Variants in ADCY1 observed in about 807,000 individuals in gnomAD.
ADCY1 encodes adenylate cyclase type 1.
A neutral mutation model predicts 105.4 loss-of-function variants in ADCY1; 28 were observed. The ratio of observed to expected loss-of-function variants is 0.27; its 90% confidence interval spans 0.20 to 0.36. The LOEUF (loss-of-function observed/expected upper bound fraction) is 0.36, where lower values mean the gene tolerates loss of function less well. Ranked by LOEUF, ADCY1 falls within the 10% of genes least tolerant of loss-of-function variation. ADCY1 has a pLI of 1.00. For synonymous variants in ADCY1, 655 were observed against 623.8 expected (o/e 1.05, Z -0.75); for missense variants, 977 against 1,434.2 (o/e 0.68, Z 5.15).
chr7:45,663,311 T>C (rs1795181252), intron 8 of ADCY1, among the ~76,000 whole-genome samples: 2 of 152,326 alleles, frequency 1.3e-5, no homozygotes, highest in South Asian at 2.1e-4. Context: ...GTCTGTGACC[T>C]TGGTGCAGCT....
At chr7:45,641,875 G>A (rs1794533776) in intron 4 of ADCY1, among the ~76,000 whole-genome samples, 1 of 116,570 alleles carries the variant, frequency 8.6e-6, no homozygotes, top group Non-Finnish European at 1.7e-5. Flanking sequence ...GCAGTGAGCC[G>A]AGATTGCGCC....
At chr7:45,576,586 A>C (rs1274206413) in intron 1 of ADCY1, among the ~76,000 whole-genome samples, 1 of 152,122 alleles carries the variant, frequency 6.6e-6, no homozygotes, top group Non-Finnish European at 1.5e-5. Context: ...AAGGAGCCAG[A>C]GGACTTCATG....
At chr7:45,613,108 C>T (rs576705570) in intron 3 of ADCY1, among the ~76,000 whole-genome samples, 6 of 152,168 alleles carry the variant, frequency 3.9e-5, no homozygotes, top group South Asian at 2.1e-4. Flanking sequence ...GATAAATATA[C>T]GGAAACTGAC....
intron 8 of ADCY1, among the ~76,000 whole-genome samples, chr7:45,669,138 G>C (rs1285818977): frequency 2.0e-5 from 3 of 152,082 alleles, no homozygotes; most frequent in African/African-American, 7.2e-5. Context: ...TTTCAGTTCT[G>C]CTCTGATCTT....
chr7:45,645,309 T>C (rs1279478714), intron 4 of ADCY1, among the ~76,000 whole-genome samples: 2 of 152,126 alleles, frequency 1.3e-5, no homozygotes. Context: ...GTGCTATTTA[T>C]GCCTCCTTTT....
intron 3 of ADCY1, among the ~76,000 whole-genome samples, chr7:45,616,323 C>G (rs918875276): frequency 6.6e-6 from 1 of 152,126 alleles, no homozygotes; most frequent in African/African-American, 2.4e-5. Flanking sequence ...AACTATGAAG[C>G]CAGCATTGTC....
At chr7:45,696,621 G>A (rs1295507760) in intron 14 of ADCY1, among the ~76,000 whole-genome samples, 1 of 152,146 alleles carries the variant, frequency 6.6e-6, no homozygotes, top group Non-Finnish European at 1.5e-5. Context: ...CGTGCTCAGG[G>A]TCAGGCTCTC....
At chr7:45,633,389 T>G (rs982083120) in intron 4 of ADCY1, among the ~76,000 whole-genome samples, 12 of 152,198 alleles carry the variant, frequency 7.9e-5, no homozygotes, top group African/African-American at 2.9e-4. Context: ...TTGGAAAAAC[T>G]CACAGATGAA....
chr7:45,657,681 G>A (rs1410226571), intron 5 of ADCY1, 46 bp from the exon 6 acceptor site: 1 of 1,582,158 alleles, frequency 6.3e-7, no homozygotes, highest in Non-Finnish European at 8.6e-7. Context: ...CCCCCTGGGA[G>A]GATACAAGGT....
In ADCY1 at chr7:45,591,726, C is replaced by T. The variant is rs1275220400; in HGVS notation, c.640-1033C>T. Among the ~76,000 whole-genome samples, 5 of 152,332 alleles carry T rather than the reference C, an allele frequency of 3.3e-5. No individual in the cohort carries two copies. Among genetic ancestry groups the T allele is most frequent in the Non-Finnish European group, 2.9e-5 (2 of 68,034 alleles). On this transcript the variant is annotated intron_variant, in intron 1 of 19. Transcript: ENST00000297323. The surrounding 1 kb of genome is among the most constrained non-coding windows in gnomAD (Gnocchi z 4.1). Reference sequence around the variant, plus strand: ...GTTGCCTGTGTCCAGACCCAGTGGTCTGCAAGACGTAGAGACAGATCAGAT... The same window carrying T: ...GTTGCCTGTGTCCAGACCCAGTGGTTTGCAAGACGTAGAGACAGATCAGAT...
Position 45,644,558 on chromosome 7 carries a change from T to C in ADCY1, c.1021-4112T>C, listed in dbSNP as rs548958824. ...CTCTGTTATACTGAGAAGCTTCTGT[T>C]GTCATGTCACCTGCCTGTAGTCCTG... On this transcript the variant is annotated intron_variant, in intron 4 of 19. Coordinates refer to ENST00000297323, the MANE Select transcript of ADCY1 (RefSeq NM_021116.4). Among the ~76,000 whole-genome samples, 11 of 152,322 alleles carry C rather than the reference T, an allele frequency of 7.2e-5. No individual in the cohort carries two copies. In the East Asian group the frequency reaches 2.1e-3, roughly 29 times the overall value.
chr7:45,606,572 G>T (rs986866646), intron 2 of ADCY1, among the ~76,000 whole-genome samples: 5 of 152,180 alleles, frequency 3.3e-5, no homozygotes, highest in Non-Finnish European at 5.9e-5. Context: ...TTGGTTTCAA[G>T]ATTTCTGCCT....
intron 8 of ADCY1, among the ~76,000 whole-genome samples, chr7:45,669,046 G>A (rs529679576): frequency 5.9e-5 from 9 of 151,980 alleles, no homozygotes; most frequent in East Asian, 5.8e-4. Flanking sequence ...TCTTGCTAGC[G>A]GTCTATCAAT....
chr7:45,589,251 C>T (rs964391616), intron 1 of ADCY1, among the ~76,000 whole-genome samples: 1 of 152,180 alleles, frequency 6.6e-6, no homozygotes, highest in Non-Finnish European at 1.5e-5. Context: ...CCACCCAGGG[C>T]CTGGCTGGTG....
At chr7:45,661,258 C>T (rs901521126) in intron 7 of ADCY1, among the ~76,000 whole-genome samples, 6 of 151,854 alleles carry the variant, frequency 4.0e-5, no homozygotes, top group East Asian at 3.9e-4. Context: ...GTTTGAATAG[C>T]GGGAGGGGAA....
chr7:45,627,857 A>T (rs950683285), intron 4 of ADCY1, among the ~76,000 whole-genome samples: 2 of 152,072 alleles, frequency 1.3e-5, no homozygotes, highest in African/African-American at 4.8e-5. Context: ...TCGTGGGGAG[A>T]TGCATCTGCA....
intron 14 of ADCY1, among the ~76,000 whole-genome samples, chr7:45,698,188 CAT>C (rs1051030626): frequency 1.4e-4 from 22 of 151,936 alleles, no homozygotes; most frequent in South Asian, 4.1e-4. Flanking sequence ...CACACACACA[CAT>C]ACACCACTTA....
At chr7:45,637,845 A>G (rs1424190621) in intron 4 of ADCY1, among the ~76,000 whole-genome samples, 1 of 152,204 alleles carries the variant, frequency 6.6e-6, no homozygotes, top group African/African-American at 2.4e-5. Context: ...TTTAAAATGT[A>G]TTTTCACCAC....
chr7:45,694,440 C>T (rs1163960171), intron 14 of ADCY1, among the ~76,000 whole-genome samples: 1 of 152,048 alleles, frequency 6.6e-6, no homozygotes, highest in Non-Finnish European at 1.5e-5. Flanking sequence ...CATATGAGAT[C>T]AACATTTGTG....
Sources: gnomAD v4.1 joint callset for allele counts (sites outside exome capture counted in the v4.1 genomes callset) on GRCh38, gnomAD v4.1.1 for gene constraint, Gnocchi (gnomAD v3.1) non-coding constraint, MANE v1.5 for transcripts, NCBI Gene and HGNC (gene_info 2026-07-23, HGNC 2026-07-21) for gene names.